The following RHOH variants were observed in gnomAD, a reference collection of about 807,000 sequenced individuals.
The protein encoded by RHOH is rho-related GTP-binding protein RhoH.
In RHOH, 6 loss-of-function variants were observed where a neutral mutation model predicts 13.8. The observed-to-expected ratio is 0.44, with a 90% CI of 0.24 to 0.86. The LOEUF is 0.86. Among genes scored for constraint, RHOH ranks in the 40% least tolerant of loss-of-function variants. The pLI, the probability that RHOH is intolerant of heterozygous loss-of-function variation, is 0.24. For missense variants in RHOH, 147 were observed against 244.5 expected (o/e 0.60, Z 2.66); for synonymous variants, 117 against 103.0 (o/e 1.14, Z -0.82).
rs117893684 is a variant in RHOH, at chr4:40,213,030, A to G, written c.-331+15730A>G. Among the ~76,000 whole-genome samples, 153 of 152,334 alleles carry G rather than the reference A, an allele frequency of 1.0e-3. No homozygotes were observed. The East Asian group carries it at 0.024, about 24-fold the overall frequency. On this transcript the variant is annotated intron_variant, in intron 1 of 2. Coordinates refer to ENST00000381799, the MANE Select transcript of RHOH (RefSeq NM_004310.5). The stretch of plus-strand genomic sequence containing the variant: ...TCTTATCATCTTATCAGATTTTTCT[A>G]AACTATAGTCCTTCTTAGAAGTGAG...
intron 1 of RHOH, among the ~76,000 whole-genome samples, chr4:40,235,603 A>G (rs1247450576): frequency 6.9e-6 from 1 of 145,904 alleles, no homozygotes; most frequent in Non-Finnish European, 1.5e-5. Context: ...AAAAAAAAAA[A>G]AAAAAGAAAA....
rs1306246719 is a variant in RHOH at position 40,244,487 on chromosome 4, G to T, written c.*525G>T. ...AACCACTTGGCTGCTGGATTTAAAT[G>T]GGTAATCAAATTTAAAAATGACCAT... On this transcript the variant is annotated 3_prime_UTR_variant, in exon 3 of 3. Transcript: ENST00000381799. 5.6e-5 allele frequency: 12 copies of T among 213,406 alleles called. No individual in the cohort carries two copies. Among genetic ancestry groups the T allele is most frequent in the African/African-American group, 9.2e-5 (4 of 43,456 alleles). The allele number at this position is 213,406 out of a possible 1,614,324, so 13.2% of individuals were successfully genotyped here.
chr4:40,191,126 C>T (rs1412974994), upstream of RHOH: 1 of 152,188 alleles, frequency 6.6e-6, no homozygotes, highest in East Asian at 1.9e-4. Flanking sequence ...CTGTGCATGT[C>T]CTGTGCTTTG....
At chr4:40,203,383 T>C (rs1004074819) in intron 1 of RHOH, among the ~76,000 whole-genome samples, 1 of 152,204 alleles carries the variant, frequency 6.6e-6, no homozygotes, top group African/African-American at 2.4e-5. Context: ...GGTCTAGAGG[T>C]TGGCAGGAAT....
chr4:40,240,563 G>A (rs1729123576), intron 1 of RHOH, among the ~76,000 whole-genome samples: 1 of 152,076 alleles, frequency 6.6e-6, no homozygotes, highest in African/African-American at 2.4e-5. Context: ...GATCATTTGA[G>A]GTCAGGAGTT....
chr4:40,235,592 AAAAAAAAAAAAAAAAAG>A (rs1213013733), intron 1 of RHOH, among the ~76,000 whole-genome samples: 1 of 145,022 alleles, frequency 6.9e-6, no homozygotes. Flanking sequence ...CTTCATCTCA[AAAAAAAAAAAAAAAAAG>A]AAAAAAGAAA....
intron 1 of RHOH, chr4:40,212,831 G>A (rs1006673180): frequency 8.5e-5 from 13 of 152,226 alleles, no homozygotes; most frequent in African/African-American, 3.1e-4. Flanking sequence ...GATGCTGGCC[G>A]TGCCAGCTGG....
At chr4:40,205,123 G>T (rs560151403) in intron 1 of RHOH, among the ~76,000 whole-genome samples, 1 of 152,216 alleles carries the variant, frequency 6.6e-6, no homozygotes, top group East Asian at 1.9e-4. Context: ...TTAGCTGGGC[G>T]TGGTGGCACA....
chr4:40,192,029 G>A (rs745736218), upstream of RHOH, among the ~76,000 whole-genome samples: 3 of 151,828 alleles, frequency 2.0e-5, no homozygotes, highest in Admixed American at 2.0e-4. Flanking sequence ...TCAATATTCA[G>A]CATTTAAAAA....
At chr4:40,236,898 C>T (rs1405364930) in intron 1 of RHOH, among the ~76,000 whole-genome samples, 1 of 152,042 alleles carries the variant, frequency 6.6e-6, no homozygotes, top group African/African-American at 2.4e-5. Context: ...GGAACTAACC[C>T]AAAGACAGTG....
intron 1 of RHOH, among the ~76,000 whole-genome samples, chr4:40,224,754 AC>A (rs1044099018): frequency 6.6e-6 from 1 of 152,160 alleles, no homozygotes; most frequent in African/African-American, 2.4e-5. Flanking sequence ...GATTGTAGAA[AC>A]CCCGGAACAG....
At chr4:40,232,886 C>T (rs1029864501) in intron 1 of RHOH, among the ~76,000 whole-genome samples, 3 of 152,206 alleles carry the variant, frequency 2.0e-5, no homozygotes, top group African/African-American at 7.2e-5. Context: ...TCCTACAGAT[C>T]AGCTGTCACC....
chr4:40,238,864 C>G (rs1728917740), intron 1 of RHOH, among the ~76,000 whole-genome samples: 1 of 152,100 alleles, frequency 6.6e-6, no homozygotes, highest in Admixed American at 6.6e-5. Flanking sequence ...CCCAGAAGCC[C>G]TTTTAGGGAG....
chr4:40,241,780 C>G (rs1024326299), intron 1 of RHOH, among the ~76,000 whole-genome samples: 2 of 151,982 alleles, frequency 1.3e-5, no homozygotes, highest in Admixed American at 1.3e-4. Context: ...GTCCCAGCTA[C>G]TCGGGAGGCT....
rs2109586914 is a variant in RHOH, at chr4:40,243,018, T to G, written c.-209-160T>G. The G allele has an allele frequency of 9.4e-6, 2 of 213,276 alleles. No homozygotes were observed. Among genetic ancestry groups the G allele is most frequent in the Non-Finnish European group, 9.4e-6 (1 of 106,676 alleles). 13.2% of individuals were successfully genotyped at this position (213,276 alleles called of 1,614,324 possible). On this transcript the variant is annotated intron_variant, in intron 2 of 2. Transcript: ENST00000381799. The surrounding 1 kb of genome is among the most constrained non-coding windows in gnomAD (Gnocchi z 6.2). Reference sequence around the variant, plus strand: ...GTGTTGGGGGAAGACAGATCTAAGCTCTCCCTGTGAGGGGAAGAGTGGATT... The same window carrying G: ...GTGTTGGGGGAAGACAGATCTAAGCGCTCCCTGTGAGGGGAAGAGTGGATT...
chr4:40,192,504 G>A (rs186985009), upstream of RHOH, among the ~76,000 whole-genome samples: 31 of 152,298 alleles, frequency 2.0e-4, no homozygotes, highest in Non-Finnish European at 4.1e-4. Flanking sequence ...TTTCGCTGGC[G>A]TAAGTGGCAC....
chr4:40,222,044 C>G (rs1726646929), intron 1 of RHOH, among the ~76,000 whole-genome samples: 1 of 152,086 alleles, frequency 6.6e-6, no homozygotes, highest in Non-Finnish European at 1.5e-5. Flanking sequence ...AGAACAAGGC[C>G]CTAACTTGCT....
chr4:40,239,073 T>C (rs1728945101), intron 1 of RHOH, among the ~76,000 whole-genome samples: 1 of 152,218 alleles, frequency 6.6e-6, no homozygotes, highest in South Asian at 2.1e-4. Context: ...TTTAGGCATC[T>C]GCCAAGGCTC....
At chr4:40,228,356 T>C (rs150202970) in intron 1 of RHOH, among the ~76,000 whole-genome samples, 48 of 152,218 alleles carry the variant, frequency 3.2e-4, no homozygotes, top group African/African-American at 1.1e-3. Context: ...ATCAGTGTTT[T>C]CGAAATGTTC....
Sources: allele counts gnomAD v4.1 joint callset (sites outside exome capture counted in the v4.1 genomes callset), GRCh38; gene constraint gnomAD v4.1.1; non-coding constraint Gnocchi (gnomAD v3.1); transcripts MANE v1.5; gene names NCBI Gene and HGNC (gene_info 2026-07-23, HGNC 2026-07-21).